The following GALNT14 variants were observed in gnomAD, a reference collection of about 807,000 sequenced individuals.
GALNT14 encodes the protein polypeptide N-acetylgalactosaminyltransferase 14, also known as UDP-GalNAc:polypeptide N-acetylgalactosaminyltransferase 14.
In GALNT14, 60 loss-of-function variants were observed where a neutral mutation model predicts 77.5. The ratio of observed to expected loss-of-function variants is 0.77; its 90% CI spans 0.63 to 0.96. The LOEUF is 0.96. Ranked by LOEUF, GALNT14 falls within the 40% of genes least tolerant of loss-of-function variation. The probability of loss-of-function intolerance (pLI) is 0.00; values close to 1 mark genes in which losing one functional copy is unlikely to be tolerated. For synonymous variants in GALNT14, 280 were observed against 281.7 expected, an observed-to-expected ratio of 0.99 and a Z score of 0.06; for missense variants, 710 against 731.0, an observed-to-expected ratio of 0.97 and a Z score of 0.33.
chr2:31,130,773 T>C lies in GALNT14; in HGVS notation c.129+7185A>G, dbSNP rs1390375596. 1.2e-3 allele frequency among the ~76,000 whole-genome samples: 169 copies of C among 141,582 alleles called. 4 individuals carry two copies. The South Asian group carries it at 0.034, about 28-fold the overall frequency. The allele number at this position is 141,582 out of a possible 152,430, so 92.9% of individuals were successfully genotyped here. On this transcript the variant is annotated intron_variant, in intron 1 of 14. Transcript: ENST00000349752. ...GTGTGTGTGTGTGTGTGTGTGTGTG[T>C]GTGTGTGTGTGCGCGCGCACCTGTG...
intron 1 of GALNT14, among the ~76,000 whole-genome samples, chr2:31,060,384 T>C (rs1674515346): frequency 6.6e-6 from 1 of 152,128 alleles, no homozygotes; most frequent in South Asian, 2.1e-4. Flanking sequence ...CCTATTTAAC[T>C]TAAACAGGGC....
the GALNT14 span, among the ~76,000 whole-genome samples, chr2:30,897,501 C>T: frequency 6.6e-6 from 1 of 152,224 alleles, no homozygotes; most frequent in African/African-American, 2.4e-5. Context: ...CCAGAAGTTT[C>T]TAACTAAGGG....
chr2:31,039,954 T>C (rs1412256787), intron 1 of GALNT14, among the ~76,000 whole-genome samples: 1 of 152,214 alleles, frequency 6.6e-6, no homozygotes, highest in Non-Finnish European at 1.5e-5. Context: ...CCCTTTCTAA[T>C]AAGAGAGTCA....
At position 30,953,650 on chromosome 2, in the gene GALNT14, T is replaced by A. The variant is rs2364445; in HGVS notation, c.654+1968A>T. 5.3e-5 allele frequency among the ~76,000 whole-genome samples: 8 copies of A among 152,118 alleles called. No homozygotes were observed. The Middle Eastern group carries it at 0.01, about 194-fold the overall frequency. On this transcript the variant is annotated intron_variant, in intron 6 of 14. Transcript: ENST00000349752. ...GAGTTTTTGTGTTGCTTCTACTTGC[T>A]GTCACTTATACTGTGCTTCCCTTTA...
the GALNT14 span, among the ~76,000 whole-genome samples, chr2:30,896,064 T>A: frequency 1.3e-5 from 2 of 150,606 alleles, no homozygotes; most frequent in Non-Finnish European, 2.9e-5. Flanking sequence ...GTAAAGCTGA[T>A]GATAATATCT....
At position 31,138,198 on chromosome 2, in the gene GALNT14, AC is replaced by A; in HGVS notation, c.-113del. 2 of 1,377,792 alleles carry A rather than the reference AC, an allele frequency of 1.5e-6. No homozygotes were observed. Among genetic ancestry groups the A allele is most frequent in the Non-Finnish European group, 2.0e-6 (2 of 1,004,148 alleles). The allele number at this position is 1,377,792 out of a possible 1,614,324, so 85.3% of individuals were successfully genotyped here. The stretch of plus-strand genomic sequence containing the variant: ...AGCGCCTCGCTCTGGGGAGCTCTAG[AC>A]CCAGGATCCGGTTGGAGGGGCGGCA... On this transcript the variant is annotated 5_prime_UTR_variant, in exon 1 of 15. Coordinates refer to ENST00000349752, the MANE Select transcript of GALNT14 (RefSeq NM_024572.4).
chr2:31,034,302 C>A (rs1489499598), intron 1 of GALNT14, among the ~76,000 whole-genome samples: 1 of 152,190 alleles, frequency 6.6e-6, no homozygotes. Context: ...TAATTTTATT[C>A]TTTAGCTACT....
At chr2:31,019,047 CA>C (rs1487055376) in intron 1 of GALNT14, among the ~76,000 whole-genome samples, 1 of 152,152 alleles carries the variant, frequency 6.6e-6, no homozygotes. Context: ...CACCATCTCA[CA>C]TCATCCTGAG....
intron 1 of GALNT14, among the ~76,000 whole-genome samples, chr2:31,081,236 T>C (rs148942040): frequency 1.9e-3 from 288 of 152,346 alleles, no homozygotes; most frequent in Non-Finnish European, 3.5e-3. Context: ...GTGAAGGTCA[T>C]ACCAATAGCC....
At chr2:30,980,144 G>T (rs937707865) in intron 2 of GALNT14, among the ~76,000 whole-genome samples, 1 of 152,192 alleles carries the variant, frequency 6.6e-6, no homozygotes, top group African/African-American at 2.4e-5. Context: ...AGCCCACCTT[G>T]TTCTCAGCTC....
chr2:30,895,805 GA>G, the GALNT14 span, among the ~76,000 whole-genome samples: 1 of 151,862 alleles, frequency 6.6e-6, no homozygotes, highest in Non-Finnish European at 1.5e-5. Flanking sequence ...CTCTCTCAAA[GA>G]AAACCTCCTC....
intron 1 of GALNT14, among the ~76,000 whole-genome samples, chr2:31,099,085 T>C (rs1677139427): frequency 6.6e-6 from 1 of 152,090 alleles, no homozygotes; most frequent in South Asian, 2.1e-4. Context: ...ATGCCTCCAC[T>C]TTTTATATAT....
At chr2:30,933,292 A>T (rs888964880) in intron 9 of GALNT14, among the ~76,000 whole-genome samples, 10 of 152,186 alleles carry the variant, frequency 6.6e-5, no homozygotes, top group Non-Finnish European at 1.5e-4. Context: ...GCAGCTCCTC[A>T]TGTGTAGGTA....
At chr2:30,926,634 A>T (rs1665400536) in intron 11 of GALNT14, among the ~76,000 whole-genome samples, 1 of 152,044 alleles carries the variant, frequency 6.6e-6, no homozygotes, top group South Asian at 2.1e-4. Context: ...TCATGCAAGG[A>T]GTAGGAAGAG....
chr2:30,963,972 C>A (rs941789708), intron 3 of GALNT14, among the ~76,000 whole-genome samples: 5 of 152,148 alleles, frequency 3.3e-5, no homozygotes, highest in Admixed American at 1.3e-4. Flanking sequence ...AGTCCTTGCC[C>A]TAAAGGAGCT....
intron 1 of GALNT14, among the ~76,000 whole-genome samples, chr2:31,096,368 A>G (rs778558545): frequency 3.9e-5 from 6 of 152,192 alleles, no homozygotes; most frequent in Non-Finnish European, 8.8e-5. Context: ...CACAGTGGCT[A>G]GGAAAAATTT....
intron 2 of GALNT14, among the ~76,000 whole-genome samples, chr2:30,985,725 C>T (rs1479036774): frequency 1.3e-5 from 2 of 152,190 alleles, no homozygotes; most frequent in African/African-American, 4.8e-5. Context: ...AACAGGCTCA[C>T]ATCCTGTATT....
At chr2:31,045,142 T>G (rs1463046392) in intron 1 of GALNT14, among the ~76,000 whole-genome samples, 1 of 152,092 alleles carries the variant, frequency 6.6e-6, no homozygotes, top group Non-Finnish European at 1.5e-5. Flanking sequence ...ATGAGACTAC[T>G]GAAGGATATG....
intron 1 of GALNT14, among the ~76,000 whole-genome samples, chr2:31,037,386 T>C (rs1337421475): frequency 1.3e-5 from 2 of 152,230 alleles, no homozygotes; most frequent in East Asian, 3.9e-4. Flanking sequence ...CAGACAATGT[T>C]CTCATACTCA....
Sources: gnomAD v4.1 joint callset for allele counts (sites outside exome capture counted in the v4.1 genomes callset) on GRCh38, gnomAD v4.1.1 for gene constraint, MANE v1.5 for transcripts, NCBI Gene and HGNC (gene_info 2026-07-23, HGNC 2026-07-21) for gene names.